The following RGS7 variants were observed in gnomAD, a reference collection of about 807,000 sequenced individuals.
RGS7 encodes the protein regulator of G-protein signaling 7.
Under a neutral mutation model 81.1 loss-of-function variants are expected in RGS7, and 27 were observed. That is an observed-to-expected ratio of 0.33 (90% CI 0.25 to 0.46). RGS7 has a LOEUF of 0.46. RGS7 is among the 20% of genes least tolerant of loss of function. The pLI, the probability that RGS7 is intolerant of heterozygous loss-of-function variation, is 1.00. For missense variants in RGS7, 396 were observed against 607.4 expected (o/e 0.65, Z 3.66); for synonymous variants, 208 against 207.7 (o/e 1.00, Z -0.01).
intron 4 of RGS7, among the ~76,000 whole-genome samples, chr1:240,946,855 A>G (rs1678708736): frequency 6.6e-6 from 1 of 152,200 alleles, no homozygotes; most frequent in African/African-American, 2.4e-5. Flanking sequence ...ATTTCAGGAT[A>G]GCTAGAAGAG....
In RGS7 at chr1:240,873,839, T is replaced by A. The variant is rs1664901473; in HGVS notation, c.386-3720A>T. Among the ~76,000 whole-genome samples, 6 of 152,226 alleles carry A rather than the reference T, an allele frequency of 3.9e-5. No individual in the cohort carries two copies. The South Asian group carries it at 1.2e-3, about 31-fold the overall frequency. Reference sequence around the variant, plus strand: ...AAAATTACCCAGCTTACAACCCAGGTAATGCAAATTAACTTACATTGTCAT... The same window carrying A: ...AAAATTACCCAGCTTACAACCCAGGAAATGCAAATTAACTTACATTGTCAT... On this transcript the variant is annotated intron_variant, in intron 6 of 18. Coordinates refer to ENST00000440928, the MANE Select transcript of RGS7 (RefSeq NM_001364886.1).
In RGS7 at chr1:241,011,528, A is replaced by G. The variant is rs1018306529; in HGVS notation, c.176-28399T>C. Among the ~76,000 whole-genome samples the G allele has an allele frequency of 1.4e-4, 22 of 151,822 alleles. 1 individual carries two copies. Among genetic ancestry groups the G allele is most frequent in the African/African-American group, 5.1e-4 (21 of 41,390 alleles). On this transcript the variant is annotated intron_variant, in intron 3 of 18. Coordinates refer to ENST00000440928, the MANE Select transcript of RGS7 (RefSeq NM_001364886.1). ...ACAGTGTGGATTGAGGGACCTTTAGATGATGGTGTCAAAGGCATTCGAACC... is the reference window on the plus strand; with the variant it reads ...ACAGTGTGGATTGAGGGACCTTTAGGTGATGGTGTCAAAGGCATTCGAACC...
intron 4 of RGS7, among the ~76,000 whole-genome samples, chr1:240,951,165 C>T (rs60703334): frequency 0.032 from 4,817 of 152,202 alleles, 254 homozygotes; most frequent in African/African-American, 0.11. Context: ...AGCTATCTGC[C>T]TGCCTTGGCC....
At chr1:241,209,353 G>A (rs760625023) in intron 2 of RGS7, among the ~76,000 whole-genome samples, 1 of 152,122 alleles carries the variant, frequency 6.6e-6, no homozygotes, top group Non-Finnish European at 1.5e-5. Context: ...TTAACAAACC[G>A]CGAGCTTACC....
chr1:240,887,225 G>GTTT (rs60215189), intron 6 of RGS7, among the ~76,000 whole-genome samples: 52,460 of 135,070 alleles, frequency 0.39, 9,902 homozygotes, highest in East Asian at 0.51. Context: ...TGAGTATATA[G>GTTT]GTTTTTTTTT....
chr1:240,781,841 C>T (rs367601283), intron 18 of RGS7, among the ~76,000 whole-genome samples: 1 of 151,446 alleles, frequency 6.6e-6, no homozygotes, highest in Non-Finnish European at 1.5e-5. Context: ...ATAGTGAAAC[C>T]CTGTCTCTAC....
intron 4 of RGS7, among the ~76,000 whole-genome samples, chr1:240,971,113 C>T (rs1683144030): frequency 6.6e-6 from 1 of 152,120 alleles, no homozygotes; most frequent in Non-Finnish European, 1.5e-5. Context: ...GAGGGCACAG[C>T]CCTTATGAAT....
At chr1:241,093,485 A>G (rs2064025381) in intron 3 of RGS7, among the ~76,000 whole-genome samples, 1 of 152,230 alleles carries the variant, frequency 6.6e-6, no homozygotes, top group Non-Finnish European at 1.5e-5. Flanking sequence ...TATTTGATCA[A>G]TGTTCATTGC....
chr1:241,309,647 T>A (rs566815818), intron 2 of RGS7, among the ~76,000 whole-genome samples: 1 of 152,300 alleles, frequency 6.6e-6, no homozygotes, highest in South Asian at 2.1e-4. Context: ...CTGTGTAAAC[T>A]TGGTAGAATG....
chr1:240,973,725 G>T (rs1683630334), intron 4 of RGS7, among the ~76,000 whole-genome samples: 1 of 151,778 alleles, frequency 6.6e-6, no homozygotes, highest in Admixed American at 6.6e-5. Flanking sequence ...GAGTAGCTGG[G>T]ACTACAGGGG....
chr1:241,239,720 G>T (rs1360481619), intron 2 of RGS7, among the ~76,000 whole-genome samples: 2 of 152,144 alleles, frequency 1.3e-5, no homozygotes, highest in Admixed American at 6.6e-5. Context: ...GCAGCAAACG[G>T]GACATGTCAG....
At chr1:240,987,526 CTTCT>C (rs1361478828) in intron 3 of RGS7, among the ~76,000 whole-genome samples, 4 of 150,304 alleles carry the variant, frequency 2.7e-5, no homozygotes, top group Non-Finnish European at 4.4e-5. Context: ...TATAACTATT[CTTCT>C]TTTTTTTTTT....
intron 2 of RGS7, among the ~76,000 whole-genome samples, chr1:241,240,480 G>A (rs1050369751): frequency 6.6e-6 from 1 of 152,170 alleles, no homozygotes; most frequent in Non-Finnish European, 1.5e-5. Flanking sequence ...TGTGGGTGTA[G>A]AAACATTACT....
At chr1:240,981,266 C>T (rs1239049730) in intron 4 of RGS7, among the ~76,000 whole-genome samples, 1 of 152,112 alleles carries the variant, frequency 6.6e-6, no homozygotes, top group Non-Finnish European at 1.5e-5. Context: ...TGTGCCACCA[C>T]ACCCAGCTAA....
intron 3 of RGS7, among the ~76,000 whole-genome samples, chr1:241,062,386 C>A (rs1218823329): frequency 6.6e-6 from 1 of 152,146 alleles, no homozygotes; most frequent in Non-Finnish European, 1.5e-5. Context: ...TTCATCAAGT[C>A]CTCACTTAGT....
At chr1:241,261,373 C>T (rs1202360685) in intron 2 of RGS7, among the ~76,000 whole-genome samples, 1 of 151,656 alleles carries the variant, frequency 6.6e-6, no homozygotes, top group Non-Finnish European at 1.5e-5. Context: ...AGGGCAATGA[C>T]ACTTTGGGAG....
At chr1:241,235,370 C>CA (rs2075871931) in intron 2 of RGS7, among the ~76,000 whole-genome samples, 1 of 152,106 alleles carries the variant, frequency 6.6e-6, no homozygotes, top group South Asian at 2.1e-4. Context: ...CTAACATAAG[C>CA]AAAAATCCTT....
chr1:240,804,226 C>T (rs1316735283), intron 15 of RGS7, among the ~76,000 whole-genome samples: 4 of 152,098 alleles, frequency 2.6e-5, no homozygotes, highest in Admixed American at 1.3e-4. Context: ...AAATGTGTAG[C>T]AAAGCATGGG....
chr1:240,951,055 G>A (rs1256078529), intron 4 of RGS7, among the ~76,000 whole-genome samples: 1 of 151,946 alleles, frequency 6.6e-6, no homozygotes, highest in African/African-American at 2.4e-5. Context: ...CCAAGTAGCT[G>A]AGACCACAGG....
Sources: allele counts gnomAD v4.1 joint callset (sites outside exome capture counted in the v4.1 genomes callset), GRCh38; gene constraint gnomAD v4.1.1; transcripts MANE v1.5; gene names NCBI Gene and HGNC (gene_info 2026-07-23, HGNC 2026-07-21).